The following FAT3 variants were observed in gnomAD, a reference collection of about 807,000 sequenced individuals.
FAT3 encodes FAT atypical cadherin 3, also known as protocadherin Fat 3.
Under a neutral mutation model 310.2 loss-of-function variants are expected in FAT3, and 95 were observed. The ratio of observed to expected loss-of-function variants is 0.31; its 90% CI spans 0.26 to 0.36. The LOEUF (loss-of-function observed/expected upper bound fraction) is 0.36. Among genes scored for constraint, FAT3 ranks in the 10% least tolerant of loss-of-function variants. The pLI is 1.00. For missense variants in FAT3, 5,408 were observed against 5,715.6 expected (o/e 0.95, Z 1.74); for synonymous variants, 2,314 against 2,192.9 (o/e 1.06, Z -1.54).
chr11:92,870,809 C>T (rs1193943645), intron 22 of FAT3, among the ~76,000 whole-genome samples: 1 of 152,160 alleles, frequency 6.6e-6, no homozygotes, highest in Non-Finnish European at 1.5e-5. Flanking sequence ...TAAGAGCTAC[C>T]GCTTGTTAGA....
At chr11:92,255,260 T>G (rs1865271526) in intron 1 of FAT3, among the ~76,000 whole-genome samples, 1 of 151,932 alleles carries the variant, frequency 6.6e-6, no homozygotes, top group African/African-American at 2.4e-5. Flanking sequence ...TAACTTTATT[T>G]AATAATTATT....
chr11:92,591,029 A>G (rs1335517667), intron 3 of FAT3, among the ~76,000 whole-genome samples: 1 of 152,158 alleles, frequency 6.6e-6, no homozygotes, highest in Non-Finnish European at 1.5e-5. Context: ...GTGTGTTCTC[A>G]GTCAAATAAA....
In FAT3 at chr11:92,354,274, A is replaced by T; in HGVS notation, c.2162A>T (p.Gln721Leu). Residue 721 changes from glutamine to leucine, a missense_variant, in exon 2 of 28, where the codon CAG becomes CTG. Around this residue, in one of 5 missense-constraint regions of FAT3, gnomAD observed 4,588 missense variants for 4,809.8 expected, o/e 0.95. Transcript: ENST00000525166. ...GFLDFYSINR[Q>L]GPYFDKSFPS... ...CTTGACTTTTATTCAATTAATAGACAGGGACCATATTTTGACAAGTCTTTT... is the reference window on the plus strand; with the variant it reads ...CTTGACTTTTATTCAATTAATAGACTGGGACCATATTTTGACAAGTCTTTT... 6.2e-7 allele frequency: 1 copy of T among 1,613,740 alleles called. No individual in the cohort carries two copies. The highest frequency in any genetic ancestry group is 8.5e-7 in the Non-Finnish European group (1 of 1,179,856).
chr11:92,573,694 C>A (rs1048657336), intron 3 of FAT3, among the ~76,000 whole-genome samples: 1 of 152,052 alleles, frequency 6.6e-6, no homozygotes, highest in Non-Finnish European at 1.5e-5. Flanking sequence ...TAGAGCTATG[C>A]AGCCCCAAGC....
intron 3 of FAT3, among the ~76,000 whole-genome samples, chr11:92,661,480 C>T (rs921728675): frequency 2.6e-5 from 4 of 152,018 alleles, no homozygotes; most frequent in Admixed American, 6.6e-5. Context: ...CCTCTGAGGA[C>T]GCCCTAGCAT....
At chr11:92,593,587 T>G (rs1195165941) in intron 3 of FAT3, among the ~76,000 whole-genome samples, 4 of 152,070 alleles carry the variant, frequency 2.6e-5, no homozygotes, top group Non-Finnish European at 5.9e-5. Flanking sequence ...TGGTCAATAA[T>G]TATCCATGGC....
chr11:92,640,818 C>T (rs1941930890), intron 3 of FAT3, among the ~76,000 whole-genome samples: 1 of 152,060 alleles, frequency 6.6e-6, no homozygotes, highest in African/African-American at 2.4e-5. Flanking sequence ...TGTTTCTTTC[C>T]CCAACATAAG....
chr11:92,399,035 T>G (rs1565285862), intron 2 of FAT3, among the ~76,000 whole-genome samples: 1 of 152,220 alleles, frequency 6.6e-6, no homozygotes, highest in Non-Finnish European at 1.5e-5. Context: ...ATCTGTTCAA[T>G]GAAACTATAT....
Position 92,240,190 on chromosome 11 carries a change from A to G in FAT3, c.-18+15016A>G, listed in dbSNP as rs72968338. ...AGGTGCATGTTCAAGGAGGTTTTTT[A>G]GTTTTACATTTTTTTCATTTAATTG... On this transcript the variant is annotated intron_variant, in intron 1 of 27. Transcript: ENST00000525166. Among the ~76,000 whole-genome samples, 799 of 150,334 alleles carry G rather than the reference A, an allele frequency of 5.3e-3. 7 individuals are homozygous for G. Among genetic ancestry groups the G allele is most frequent in the Non-Finnish European group, 8.5e-3 (567 of 66,864 alleles).
chr11:92,427,750 G>A (rs965657954), intron 2 of FAT3, among the ~76,000 whole-genome samples: 2 of 152,102 alleles, frequency 1.3e-5, no homozygotes, highest in African/African-American at 4.8e-5. Context: ...GCTTTTTAAT[G>A]TACTCCTGGA....
chr11:92,367,946 C>A (rs1429275274), intron 2 of FAT3, among the ~76,000 whole-genome samples: 1 of 152,126 alleles, frequency 6.6e-6, no homozygotes, highest in Non-Finnish European at 1.5e-5. Flanking sequence ...ATTGCGAATG[C>A]CTGCTTTGAG....
At chr11:92,724,257 A>C (rs1944937187) in intron 4 of FAT3, among the ~76,000 whole-genome samples, 1 of 152,170 alleles carries the variant, frequency 6.6e-6, no homozygotes, top group Non-Finnish European at 1.5e-5. Context: ...GTTGTCCTCC[A>C]TGTGGCCCCT....
In FAT3 at chr11:92,418,511, C is replaced by A. The variant is rs189803697; in HGVS notation, c.3292+63107C>A. Among the ~76,000 whole-genome samples the A allele has an allele frequency of 3.0e-4, 40 of 133,808 alleles. No individual in the cohort carries two copies. The East Asian group carries it at 7.5e-3, about 25-fold the overall frequency. The allele number at this position is 133,808 out of a possible 152,430, so 87.8% of individuals were successfully genotyped here. On this transcript the variant is annotated intron_variant, in intron 2 of 27. Transcript: ENST00000525166. ...ATTAGACTCTGTGCCTTGCTGTTGT[C>A]CTGGTTGTTATCCTCCAAATGTGAC...
At chr11:92,722,692 C>G (rs1270257404) in intron 4 of FAT3, among the ~76,000 whole-genome samples, 1 of 152,218 alleles carries the variant, frequency 6.6e-6, no homozygotes, top group Non-Finnish European at 1.5e-5. Flanking sequence ...AGGCATTTCT[C>G]TATATCTTCT....
chr11:92,304,321 C>G (rs538802480), intron 1 of FAT3, among the ~76,000 whole-genome samples: 1 of 152,194 alleles, frequency 6.6e-6, no homozygotes, highest in African/African-American at 2.4e-5. Context: ...TCCCCTTGCT[C>G]TTTATGGCAG....
Position 92,415,007 on chromosome 11 carries a change from CAA to C in FAT3, c.3292+59618_3292+59619del, listed in dbSNP as rs59309979. Among the ~76,000 whole-genome samples, 1,012 of 144,628 alleles carry C rather than the reference CAA, an allele frequency of 7.0e-3. 1 individual carries two copies. Among genetic ancestry groups the C allele is most frequent in the African/African-American group, 8.7e-3 (343 of 39,330 alleles). 94.9% of individuals were successfully genotyped at this position (144,628 alleles called of 152,430 possible). On this transcript the variant is annotated intron_variant, in intron 2 of 27. Transcript: ENST00000525166. ...GCTGGGCAAGAGTGCAAGATTTCGT[CAA>C]AAAAAAAAAAAAAATTCTGAAGAAT...
intron 4 of FAT3, among the ~76,000 whole-genome samples, chr11:92,751,192 A>G (rs1291673784): frequency 6.6e-6 from 1 of 152,198 alleles, no homozygotes; most frequent in African/African-American, 2.4e-5. Context: ...GCATAATGTG[A>G]TGGTTAGGAG....
intron 3 of FAT3, among the ~76,000 whole-genome samples, chr11:92,529,392 G>A (rs1018960549): frequency 2.6e-5 from 4 of 152,184 alleles, no homozygotes; most frequent in African/African-American, 7.2e-5. Context: ...GATAGCTTGA[G>A]AGGCATGATA....
At chr11:92,837,839 C>T (rs772343305) in intron 17 of FAT3, 33 bp downstream of exon 17, 3 of 1,613,356 alleles carry the variant, frequency 1.9e-6, no homozygotes, top group Admixed American at 3.3e-5. Flanking sequence ...GCACTTGTCC[C>T]TTTGCATTCA....
Sources: allele counts gnomAD v4.1 joint callset (sites outside exome capture counted in the v4.1 genomes callset), GRCh38; gene constraint gnomAD v4.1.1; regional missense constraint gnomAD v4.1.1; transcripts MANE v1.5; gene names NCBI Gene and HGNC (gene_info 2026-07-23, HGNC 2026-07-21).